NLK: variants seen among roughly 807,000 people sequenced by gnomAD.
NLK encodes serine/threonine-protein kinase NLK.
NLK carries 11 observed loss-of-function variants against 59.0 expected under a neutral mutation model. That is an observed-to-expected ratio of 0.19 (90% CI 0.12 to 0.31). The LOEUF is 0.31. Among genes scored for constraint, NLK ranks in the 10% least tolerant of loss-of-function variants. NLK has a pLI of 1.00. For missense variants in NLK, 410 were observed against 661.1 expected (o/e 0.62, Z 4.16); for synonymous variants, 235 against 235.9 (o/e 1.00, Z 0.03).
At chr17:28,198,661 A>G (rs538899075), downstream of NLK, among the ~76,000 whole-genome samples, 2 of 151,896 alleles carry the variant, frequency 1.3e-5, no homozygotes, top group African/African-American at 2.4e-5. Context: ...TCTCTTCCGG[A>G]GTTTTATTTT....
At chr17:28,055,982 G>C (rs1203341255) in intron 1 of NLK, among the ~76,000 whole-genome samples, 3 of 152,114 alleles carry the variant, frequency 2.0e-5, no homozygotes, top group Non-Finnish European at 4.4e-5. Context: ...CTTATTATCA[G>C]AGTAATAGTA....
At chr17:28,127,057 A>G (rs1233001307) in intron 2 of NLK, among the ~76,000 whole-genome samples, 4 of 152,170 alleles carry the variant, frequency 2.6e-5, no homozygotes, top group African/African-American at 4.8e-5. Context: ...CTTAGGGTCT[A>G]TTGATTCCTG....
rs10542547 is a variant in NLK, at chr17:28,120,235, G to GGTGTGTGT, written c.459-2337_459-2330dup. Among the ~76,000 whole-genome samples, 167 of 139,180 alleles carry GGTGTGTGT rather than the reference G, an allele frequency of 1.2e-3. 1 individual carries two copies. The highest frequency in any genetic ancestry group is 7.5e-3 in the Middle Eastern group (2 of 268). 91.3% of individuals were successfully genotyped at this position (139,180 alleles called of 152,430 possible). A position where few individuals can be genotyped will look rare whatever the true frequency, so the allele number is the denominator to read the frequency against. On this transcript the variant is annotated intron_variant, in intron 1 of 10. Coordinates refer to ENST00000407008, the MANE Select transcript of NLK (RefSeq NM_016231.5). The stretch of plus-strand genomic sequence containing the variant: ...AATCAGTATTGCAGATTTGGCTTGG[G>GGTGTGTGT]GTGTGTGTGTGTGTGTGTGTGTGTG...
At chr17:28,130,741 C>G (rs924779504) in intron 2 of NLK, among the ~76,000 whole-genome samples, 24 of 152,042 alleles carry the variant, frequency 1.6e-4, no homozygotes, top group African/African-American at 5.6e-4. Flanking sequence ...GTTGAGAGTC[C>G]GAAAGATGTC....
In NLK at chr17:28,080,464, C is replaced by T. The variant is rs185518742; in HGVS notation, c.458+37133C>T. Among the ~76,000 whole-genome samples the T allele has an allele frequency of 3.3e-5, 5 of 152,272 alleles. No individual in the cohort carries two copies. In the East Asian group the frequency reaches 9.6e-4, roughly 29 times the overall value. On this transcript the variant is annotated intron_variant, in intron 1 of 10. Coordinates refer to ENST00000407008, the MANE Select transcript of NLK (RefSeq NM_016231.5). ...CTTTCATCAGATTCTGAAAGTGATT[C>T]CCAACCCTTACCCCCAAAGACTAGG...
chr17:28,166,414 A>T (rs565387986), intron 5 of NLK, among the ~76,000 whole-genome samples: 133 of 152,298 alleles, frequency 8.7e-4, no homozygotes, highest in Middle Eastern at 3.4e-3. Flanking sequence ...TCAAATCAGA[A>T]AGAGGGGATT....
chr17:28,091,735 C>T (rs2142778547), intron 1 of NLK, among the ~76,000 whole-genome samples: 1 of 152,256 alleles, frequency 6.6e-6, no homozygotes, highest in Middle Eastern at 3.4e-3. Flanking sequence ...GGGTCATTTC[C>T]TTTCCTGTTA....
intron 1 of NLK, among the ~76,000 whole-genome samples, chr17:28,109,114 T>G (rs917596158): frequency 1.3e-5 from 2 of 151,010 alleles, no homozygotes; most frequent in African/African-American, 4.9e-5. Flanking sequence ...GAGCTTGCAG[T>G]GAGCCAAGAT....
At chr17:28,175,080 T>C (rs1908620212) in intron 7 of NLK, among the ~76,000 whole-genome samples, 1 of 151,486 alleles carries the variant, frequency 6.6e-6, no homozygotes, top group South Asian at 2.1e-4. Flanking sequence ...TTCTGCAAAA[T>C]GTATAGGGTT....
At chr17:28,194,455 G>T in intron 10 of NLK, 127 bp from the exon 11 acceptor site, 1 of 667,598 alleles carries the variant, frequency 1.5e-6, no homozygotes, top group Non-Finnish European at 2.5e-6. Context: ...CAACTTCAAA[G>T]AAACAAATAA....
chr17:28,197,793 T>A (rs1251128041), downstream of NLK, among the ~76,000 whole-genome samples: 2 of 152,140 alleles, frequency 1.3e-5, no homozygotes, highest in Non-Finnish European at 2.9e-5. Flanking sequence ...AAGAATAGAA[T>A]GCAAAATTTG....
intron 1 of NLK, among the ~76,000 whole-genome samples, chr17:28,056,832 T>A (rs1232549474): frequency 6.6e-6 from 1 of 152,160 alleles, no homozygotes; most frequent in Non-Finnish European, 1.5e-5. Context: ...TTCCCCTACC[T>A]ATTTTTTGAA....
chr17:28,073,825 A>G (rs929160424), intron 1 of NLK, among the ~76,000 whole-genome samples: 7 of 152,056 alleles, frequency 4.6e-5, no homozygotes, highest in Non-Finnish European at 7.4e-5. Flanking sequence ...ATACTTCTTT[A>G]TATATATATC....
chr17:28,078,501 T>TC (rs1486810938), intron 1 of NLK, among the ~76,000 whole-genome samples: 1 of 152,202 alleles, frequency 6.6e-6, no homozygotes, highest in Non-Finnish European at 1.5e-5. Context: ...GAAGACTTTG[T>TC]CGGGGGTCAT....
intron 3 of NLK, among the ~76,000 whole-genome samples, chr17:28,154,257 C>T (rs962097724): frequency 1.3e-5 from 2 of 152,116 alleles, no homozygotes; most frequent in Admixed American, 6.6e-5. Flanking sequence ...GCCTAAACAT[C>T]GGATTGGTTG....
In NLK at chr17:28,043,037, C is replaced by T; in HGVS notation, c.164C>T (p.Pro55Leu). 1 of 1,557,166 alleles carries T rather than the reference C, an allele frequency of 6.4e-7. No homozygotes were observed. Reference sequence around the variant, plus strand: ...CACCACCCTCAACACCATCTTCATCCGGGGTCGGCTGCCGCTGTACACCCT... The same window carrying T: ...CACCACCCTCAACACCATCTTCATCTGGGGTCGGCTGCCGCTGTACACCCT... ...HHHHPQHHLH[P>L]GSAAAVHPVQ... is the part of the protein sequence containing the mutation. The change falls in exon 1 of 11, where the codon CCG becomes CTG. Residue 55 changes from proline to leucine, a missense_variant. Physicochemically the swap from Pro to Leu is moderately conservative, Grantham distance 98. Around this residue, in one of 5 missense-constraint regions of NLK, gnomAD observed 160 missense variants for 171.0 expected, o/e 0.94. Transcript: ENST00000407008.
At chr17:28,147,005 A>T (rs1019970805) in intron 3 of NLK, among the ~76,000 whole-genome samples, 2 of 152,172 alleles carry the variant, frequency 1.3e-5, no homozygotes, top group African/African-American at 4.8e-5. Context: ...GTTTTCAGTC[A>T]GGCTTCTTTG....
chr17:28,056,380 C>T (rs1228331195), intron 1 of NLK, among the ~76,000 whole-genome samples: 2 of 152,190 alleles, frequency 1.3e-5, no homozygotes, highest in Non-Finnish European at 2.9e-5. Flanking sequence ...ATTTGTTCAA[C>T]GTTGCACAGC....
intron 1 of NLK, among the ~76,000 whole-genome samples, chr17:28,108,548 AAG>A (rs1905303301): frequency 6.6e-6 from 1 of 152,204 alleles, no homozygotes; most frequent in Non-Finnish European, 1.5e-5. Flanking sequence ...AACAAAAGTA[AAG>A]CATGTTACTG....
Sources: gnomAD v4.1 joint callset for allele counts (sites outside exome capture counted in the v4.1 genomes callset) on GRCh38, gnomAD v4.1.1 for gene constraint, gnomAD v4.1.1 regional missense constraint, MANE v1.5 for transcripts, NCBI Gene and HGNC (gene_info 2026-07-23, HGNC 2026-07-21) for gene names.